The following SMYD3 variants were observed in gnomAD, a reference collection of about 807,000 sequenced individuals.
SMYD3 encodes the protein SET and MYND domain containing 3.
SMYD3 carries 36 observed loss-of-function variants against 57.7 expected under a neutral mutation model. The ratio of observed to expected loss-of-function variants is 0.62; its 90% CI spans 0.48 to 0.82. The LOEUF (loss-of-function observed/expected upper bound fraction) is 0.82. SMYD3 is among the 40% of genes least tolerant of loss of function. The probability of loss-of-function intolerance (pLI) is 0.00; values close to 1 mark genes in which losing one functional copy is unlikely to be tolerated. For synonymous variants in SMYD3, 211 were observed against 195.0 expected (o/e 1.08, Z -0.68); for missense variants, 515 against 538.8 (o/e 0.96, Z 0.44).
chr1:246,304,422 T>G (rs1028614409), intron 5 of SMYD3, among the ~76,000 whole-genome samples: 1 of 152,320 alleles, frequency 6.6e-6, no homozygotes, highest in South Asian at 2.1e-4. Flanking sequence ...ACTTTCAATG[T>G]AATGTGTACA....
intron 5 of SMYD3, among the ~76,000 whole-genome samples, chr1:246,107,404 G>A (rs752010983): frequency 4.0e-5 from 6 of 151,788 alleles, no homozygotes; most frequent in Admixed American, 6.6e-5. Flanking sequence ...TTAAATATGC[G>A]ACCTTATACC....
At chr1:246,265,585 T>C (rs1572304014) in intron 5 of SMYD3, among the ~76,000 whole-genome samples, 2 of 144,048 alleles carry the variant, frequency 1.4e-5, no homozygotes, top group South Asian at 2.1e-4. Flanking sequence ...TCAGGGATGA[T>C]AGCTATTGGG....
At chr1:246,350,949 C>T (rs1183088680) in intron 2 of SMYD3, among the ~76,000 whole-genome samples, 2 of 152,160 alleles carry the variant, frequency 1.3e-5, no homozygotes, top group African/African-American at 2.4e-5. Context: ...CAGTACATTC[C>T]GTGCAAAGCC....
chr1:246,098,797 T>C (rs770042341), intron 5 of SMYD3, among the ~76,000 whole-genome samples: 1 of 143,914 alleles, frequency 6.9e-6, no homozygotes, highest in Non-Finnish European at 1.6e-5. Flanking sequence ...AAGAAAGATA[T>C]GTGTAGTTAT....
intron 5 of SMYD3, among the ~76,000 whole-genome samples, chr1:246,290,316 T>C (rs1484000277): frequency 6.6e-6 from 1 of 152,210 alleles, no homozygotes; most frequent in South Asian, 2.1e-4. Flanking sequence ...AGCTTCTTTT[T>C]GGACTGTTCA....
chr1:246,419,559 T>C (rs1572484169), intron 1 of SMYD3, among the ~76,000 whole-genome samples: 1 of 152,148 alleles, frequency 6.6e-6, no homozygotes, highest in African/African-American at 2.4e-5. Flanking sequence ...CCTAGGTCGA[T>C]GGGGGTAGCG....
At chr1:246,148,001 G>A (rs1023446561) in intron 5 of SMYD3, among the ~76,000 whole-genome samples, 4 of 152,140 alleles carry the variant, frequency 2.6e-5, no homozygotes, top group Non-Finnish European at 4.4e-5. Flanking sequence ...CTCCGACCGG[G>A]GTTGGGGCCG....
chr1:245,977,379 C>G (rs1301253912), intron 5 of SMYD3, among the ~76,000 whole-genome samples: 1 of 152,178 alleles, frequency 6.6e-6, no homozygotes, highest in Non-Finnish European at 1.5e-5. Context: ...CATCCTTAAT[C>G]ACAAAACCGA....
At chr1:246,040,219 T>C (rs1034441209) in intron 5 of SMYD3, among the ~76,000 whole-genome samples, 33 of 152,174 alleles carry the variant, frequency 2.2e-4, no homozygotes, top group Admixed American at 2.1e-3. Context: ...GGGATATTAA[T>C]AACAACAAAG....
At chr1:246,317,840 G>A (rs1572373380) in intron 5 of SMYD3, among the ~76,000 whole-genome samples, 1 of 151,810 alleles carries the variant, frequency 6.6e-6, no homozygotes. Flanking sequence ...TCATGAGGCA[G>A]TTGTGACTCA....
intron 10 of SMYD3, among the ~76,000 whole-genome samples, chr1:245,768,351 T>C (rs564500122): frequency 6.6e-6 from 1 of 152,326 alleles, no homozygotes; most frequent in South Asian, 2.1e-4. Flanking sequence ...CTTACTGATA[T>C]ATTTTACAGG....
At chr1:246,310,661 CTTTT>C (rs386370347) in intron 5 of SMYD3, among the ~76,000 whole-genome samples, 3 of 72,202 alleles carry the variant, frequency 4.2e-5, no homozygotes, top group Non-Finnish European at 4.9e-5. Flanking sequence ...AAGAGTAAGG[CTTTT>C]TTTTTTTTTT....
At chr1:246,402,393 C>T (rs992096199) in intron 1 of SMYD3, among the ~76,000 whole-genome samples, 1 of 75,410 alleles carries the variant, frequency 1.3e-5, no homozygotes, top group African/African-American at 3.3e-5. Context: ...AAGATGATCC[C>T]ATATCTGAGC....
chr1:245,865,479 CA>C (rs1485227210), intron 8 of SMYD3, among the ~76,000 whole-genome samples: 1 of 152,174 alleles, frequency 6.6e-6, no homozygotes, highest in Non-Finnish European at 1.5e-5. Flanking sequence ...TTATACATGA[CA>C]AAACTGAGAC....
At chr1:246,144,425 T>A (rs888205265) in intron 5 of SMYD3, among the ~76,000 whole-genome samples, 1 of 152,236 alleles carries the variant, frequency 6.6e-6, no homozygotes, top group Non-Finnish European at 1.5e-5. Flanking sequence ...CCATAACATC[T>A]AAAATACTGC....
At chr1:245,948,512 G>C (rs538864154) in intron 5 of SMYD3, among the ~76,000 whole-genome samples, 1 of 152,232 alleles carries the variant, frequency 6.6e-6, no homozygotes, top group South Asian at 2.1e-4. Flanking sequence ...AGTGCTGCCC[G>C]GGGACCACGC....
intron 10 of SMYD3, among the ~76,000 whole-genome samples, chr1:245,778,918 G>C (rs941742155): frequency 7.9e-5 from 12 of 152,182 alleles, no homozygotes; most frequent in Admixed American, 7.2e-4. Flanking sequence ...CCAGCACTTT[G>C]GGAGGCCGAG....
chr1:245,961,790 G>A (rs1225179499), intron 5 of SMYD3, among the ~76,000 whole-genome samples: 5 of 152,114 alleles, frequency 3.3e-5, no homozygotes, highest in Non-Finnish European at 7.4e-5. Flanking sequence ...TAATTAACAT[G>A]TATTTTGAGA....
At chr1:245,786,247 GA>G in intron 10 of SMYD3, among the ~76,000 whole-genome samples, 1 of 149,246 alleles carries the variant, frequency 6.7e-6, no homozygotes, top group Non-Finnish European at 1.5e-5. Flanking sequence ...ATATTAAGAA[GA>G]AAAAGAAGCC....
Sources: gnomAD v4.1 joint callset for allele counts (sites outside exome capture counted in the v4.1 genomes callset) on GRCh38, gnomAD v4.1.1 for gene constraint, MANE v1.5 for transcripts, NCBI Gene and HGNC (gene_info 2026-07-23, HGNC 2026-07-21) for gene names.